Variants in DNALI1 observed in about 807,000 individuals in gnomAD.
DNALI1 encodes dynein axonemal light intermediate chain 1, also known as axonemal dynein light intermediate polypeptide 1.
DNALI1 carries 31 observed loss-of-function variants against 33.9 expected under a neutral mutation model. That is an observed-to-expected ratio of 0.91 (90% CI 0.69 to 1.23). The LOEUF (loss-of-function observed/expected upper bound fraction) is 1.23, where lower values mean the gene tolerates loss of function less well. Among genes scored for constraint, DNALI1 ranks in the 50% most tolerant of loss-of-function variants. The pLI is 0.00. For missense variants in DNALI1, 305 were observed against 323.8 expected, an observed-to-expected ratio of 0.94 and a Z score of 0.44; for synonymous variants, 117 against 129.2, an observed-to-expected ratio of 0.91 and a Z score of 0.64.
In DNALI1 at chr1:37,562,002, C is replaced by A. The variant is rs902789110; in HGVS notation, c.577-79C>A. On this transcript the variant is annotated intron_variant, in intron 4 of 5. Coordinates refer to ENST00000652629, the MANE Select transcript of DNALI1 (RefSeq NM_003462.5). The surrounding 1 kb of genome is among the most constrained non-coding windows in gnomAD (Gnocchi z 5.8). ...AGTATATACCCTGGCAATGTCATGT[C>A]CCATGTCCCTTCCACCCAGGCTCAC... 1 of 1,595,002 alleles carries A rather than the reference C, an allele frequency of 6.3e-7. No homozygotes were observed.
At chr1:37,563,042 A>G (rs1437208944) in intron 5 of DNALI1, among the ~76,000 whole-genome samples, 1 of 152,234 alleles carries the variant, frequency 6.6e-6, no homozygotes, top group Admixed American at 6.5e-5. Context: ...ATGTTTGCAG[A>G]AGTTTGAGCA....
At chr1:37,560,476 C>T (rs527554061) in intron 3 of DNALI1, 4 of 152,302 alleles carry the variant, frequency 2.6e-5, no homozygotes, top group African/African-American at 7.2e-5. Flanking sequence ...CCTGCACAGC[C>T]GTAGATCCCT....
chr1:37,557,195 A>G, intron 1 of DNALI1, 120 bp downstream of exon 1: 3 of 1,477,260 alleles, frequency 2.0e-6, no homozygotes, highest in Non-Finnish European at 2.8e-6. Flanking sequence ...GAGTAAAGGG[A>G]ATTGGGAAGT....
chr1:37,561,912 G>T lies in DNALI1; in HGVS notation c.577-169G>T. 1 of 1,351,908 alleles carries T rather than the reference G, an allele frequency of 7.4e-7. No individual in the cohort carries two copies. The highest frequency in any genetic ancestry group is 2.4e-5 in the East Asian group (1 of 41,204). 83.7% of individuals were successfully genotyped at this position (1,351,908 alleles called of 1,614,324 possible). A position where few individuals can be genotyped will look rare whatever the true frequency, so the allele number is the denominator to read the frequency against. ...GGTTGAGTATGATGGCCAGCCTGGT[G>T]GTCTTGGCAGAGTTGTTTCCGCTGT... On this transcript the variant is annotated intron_variant, in intron 4 of 5. Coordinates refer to ENST00000652629, the MANE Select transcript of DNALI1 (RefSeq NM_003462.5). The surrounding 1 kb of genome is among the most constrained non-coding windows in gnomAD (Gnocchi z 4.6).
In DNALI1 at chr1:37,559,553, C is replaced by A; in HGVS notation, c.397+57C>A. 1 of 1,490,824 alleles carries A rather than the reference C, an allele frequency of 6.7e-7. No homozygotes were observed. The allele number at this position is 1,490,824 out of a possible 1,614,324, so 92.3% of individuals were successfully genotyped here. On this transcript the variant is annotated intron_variant, in intron 3 of 5. Transcript: ENST00000652629. The surrounding 1 kb of genome is among the most constrained non-coding windows in gnomAD (Gnocchi z 5.3). ...ACACCCTACTGCTCCCTTCCCTTCA[C>A]CTTCAGCACAGATCCAAGCCTGAGC... is the stretch of plus-strand genomic sequence containing the variant.
Position 37,564,954 on chromosome 1 carries a change from T to C in DNALI1, c.742-72T>C, listed in dbSNP as rs960501142. ...CATGTGGATTCTTCTTCCCAGAGATTTGATCACCTCTCAGCTATTTGTATC... is the reference window on the plus strand; with the variant it reads ...CATGTGGATTCTTCTTCCCAGAGATCTGATCACCTCTCAGCTATTTGTATC... On this transcript the variant is annotated intron_variant, in intron 5 of 5. Coordinates refer to ENST00000652629, the MANE Select transcript of DNALI1 (RefSeq NM_003462.5). 2.0e-6 allele frequency: 3 copies of C among 1,504,062 alleles called. No individual in the cohort carries two copies. In the African/African-American group the frequency reaches 4.1e-5, roughly 21 times the overall value. 93.2% of individuals were successfully genotyped at this position (1,504,062 alleles called of 1,614,324 possible). A position where few individuals can be genotyped will look rare whatever the true frequency, so the allele number is the denominator to read the frequency against.
chr1:37,559,232 C>A lies in DNALI1; in HGVS notation c.228-95C>A. ...GGTTGGTGGCAAAGCTGCCCCTCAC[C>A]ACTACTCAGGCAGAGGGCTCAAAGG... On this transcript the variant is annotated intron_variant, in intron 2 of 5. Transcript: ENST00000652629. This position sits in a 1 kb window ranked among gnomAD's most constrained non-coding sequence, Gnocchi z 5.3. 2 of 1,351,476 alleles carry A rather than the reference C, an allele frequency of 1.5e-6. No individual in the cohort carries two copies. The highest frequency in any genetic ancestry group is 2.6e-5 in the East Asian group (1 of 38,192). The allele number at this position is 1,351,476 out of a possible 1,614,324, so 83.7% of individuals were successfully genotyped here.
At position 37,559,352 on chromosome 1, in the gene DNALI1, T is replaced by C; in HGVS notation, c.253T>C (p.Trp85Arg). 6.2e-7 allele frequency: 1 copy of C among 1,609,392 alleles called. No homozygotes were observed. Among genetic ancestry groups the C allele is most frequent in the South Asian group, 1.1e-5 (1 of 90,450 alleles). Residue 85 changes from tryptophan to arginine, a missense_variant, in exon 3 of 6, where the codon TGG becomes CGG. Transcript: ENST00000652629. This position sits in a 1 kb window ranked among gnomAD's most constrained non-coding sequence, Gnocchi z 5.3. ...PREWVEDTQL[W>R]IQQVSSTPST... is the part of the protein sequence containing the mutation. Reference sequence around the variant, plus strand: ...GGAGTGGGTGGAAGACACGCAGCTATGGATCCAGCAGGTGTCCAGCACCCC... The same window carrying C: ...GGAGTGGGTGGAAGACACGCAGCTACGGATCCAGCAGGTGTCCAGCACCCC...
chr1:37,565,441 A>C lies in DNALI1; in HGVS notation c.*380A>C. 5.4e-6 allele frequency: 1 copy of C among 184,530 alleles called. No homozygotes were observed. Among genetic ancestry groups the C allele is most frequent in the Non-Finnish European group, 1.1e-5 (1 of 89,336 alleles). 11.4% of individuals were successfully genotyped at this position (184,530 alleles called of 1,614,324 possible). On this transcript the variant is annotated 3_prime_UTR_variant, in exon 6 of 6. Coordinates refer to ENST00000652629, the MANE Select transcript of DNALI1 (RefSeq NM_003462.5). ...AAATGAATCTGCTTCTCTGCCCCTC[A>C]AACTTTTAGTTCACAATTCATCTTC...
chr1:37,561,614 G>C lies in DNALI1; in HGVS notation c.455G>C (p.Arg152Pro), dbSNP rs370651927. 6.2e-7 allele frequency: 1 copy of C among 1,613,678 alleles called. No individual in the cohort carries two copies. The highest frequency in any genetic ancestry group is 2.2e-5 in the East Asian group (1 of 44,890). Reference protein sequence around the residue: ...NCAERGLLLLRVRDEIRMTIA... With the variant: ...NCAERGLLLLPVRDEIRMTIA... ...GCGGAGAGGGGGCTGCTGCTGCTGCGAGTCCGGGACGAGATCCGCATGACC... is the reference window on the plus strand; with the variant it reads ...GCGGAGAGGGGGCTGCTGCTGCTGCCAGTCCGGGACGAGATCCGCATGACC... Residue 152 changes from arginine (R) to proline (P), a missense_variant, in exon 4 of 6, where the codon CGA (arginine) becomes CCA (proline). Arg to Pro is a moderately radical substitution (Grantham distance 103). Transcript: ENST00000652629. The surrounding 1 kb of genome is among the most constrained non-coding windows in gnomAD (Gnocchi z 4.6).
chr1:37,557,426 G>A (rs1643384300), intron 1 of DNALI1, among the ~76,000 whole-genome samples, 177 bp from the exon 2 acceptor site: 1 of 152,178 alleles, frequency 6.6e-6, no homozygotes, highest in African/African-American at 2.4e-5. Flanking sequence ...TTGAGTTGGG[G>A]CCAGACTTCA....
intron 1 of DNALI1, 47 bp downstream of exon 1, chr1:37,557,122 G>A: frequency 6.2e-7 from 1 of 1,613,206 alleles, no homozygotes; most frequent in Non-Finnish European, 8.5e-7. Flanking sequence ...AACTCCGATA[G>A]GGAAAGACAC....
At position 37,557,702 on chromosome 1, in the gene DNALI1, C is replaced by G; in HGVS notation, c.181C>G (p.Pro61Ala). Residue 61 changes from proline to alanine, a missense_variant, in exon 2 of 6, where the codon CCT (proline) becomes GCT (alanine). Transcript: ENST00000652629. ...CCCCTCAACTCCCTGTGTCCCAGAT[C>G]CTACAAAGCAGGCAGAAGAAATCTT... is the stretch of plus-strand genomic sequence containing the variant. The part of the protein sequence containing the change: ...KLPSTPCVPD[P>A]TKQAEEILNA... 1 of 1,613,978 alleles carries G rather than the reference C, an allele frequency of 6.2e-7. No individual in the cohort carries two copies. The highest frequency in any genetic ancestry group is 8.5e-7 in the Non-Finnish European group (1 of 1,179,960).
chr1:37,561,792 C>A lies in DNALI1; in HGVS notation c.576+57C>A, dbSNP rs1643443017. ...ATCTCTTCTGTAAACCTCAGGGCCACATGCTTATCATTCCAGCACTACATT... is the reference window on the plus strand; with the variant it reads ...ATCTCTTCTGTAAACCTCAGGGCCAAATGCTTATCATTCCAGCACTACATT... On this transcript the variant is annotated intron_variant, in intron 4 of 5. Coordinates refer to ENST00000652629, the MANE Select transcript of DNALI1 (RefSeq NM_003462.5). This position sits in a 1 kb window ranked among gnomAD's most constrained non-coding sequence, Gnocchi z 4.6. 2 of 1,565,850 alleles carry A rather than the reference C, an allele frequency of 1.3e-6. No individual in the cohort carries two copies. The highest frequency in any genetic ancestry group is 1.7e-6 in the Non-Finnish European group (2 of 1,150,266).
intron 1 of DNALI1, 108 bp downstream of exon 1, chr1:37,557,183 G>A (rs753774291): frequency 6.6e-7 from 1 of 1,516,814 alleles, no homozygotes; most frequent in Non-Finnish European, 8.9e-7. Flanking sequence ...TGCAGCGACT[G>A]GGAGTAAAGG....
At chr1:37,563,830 C>G (rs1338843426) in intron 5 of DNALI1, among the ~76,000 whole-genome samples, 5 of 152,182 alleles carry the variant, frequency 3.3e-5, no homozygotes, top group African/African-American at 1.2e-4. Context: ...AATAAAGCAG[C>G]TTTGCTGTCC....
chr1:37,559,518 T>G lies in DNALI1; in HGVS notation c.397+22T>G. On this transcript the variant is annotated intron_variant, in intron 3 of 5. Transcript: ENST00000652629. This position sits in a 1 kb window ranked among gnomAD's most constrained non-coding sequence, Gnocchi z 5.3. ...TTTGGTGAGTGAGCCAGGTGAGGGG[T>G]GGGCACTACACACCCTACTGCTCCC... The G allele has an allele frequency of 1.3e-6, 2 of 1,586,134 alleles. No homozygotes were observed. The highest frequency in any genetic ancestry group is 1.7e-6 in the Non-Finnish European group (2 of 1,164,926).
intron 2 of DNALI1, among the ~76,000 whole-genome samples, chr1:37,558,958 C>T (rs779108979): frequency 3.3e-5 from 5 of 152,214 alleles, no homozygotes; most frequent in Non-Finnish European, 4.4e-5. Flanking sequence ...GCACAAGGTT[C>T]ATGATGTCCT....
rs11586555 is a variant in DNALI1, at chr1:37,566,197, A to G, written c.*1136A>G. On this transcript the variant is annotated 3_prime_UTR_variant, in exon 6 of 6. Coordinates refer to ENST00000652629, the MANE Select transcript of DNALI1 (RefSeq NM_003462.5). The stretch of plus-strand genomic sequence containing the variant: ...TTTCCCCAGAAAAGCTGTGTTCCCT[A>G]TGCTGAACACACCATACACATTCTC... 7,747 of 152,358 alleles carry G rather than the reference A, an allele frequency of 0.051. 288 individuals are homozygous for G. The highest frequency in any genetic ancestry group is 0.077 in the Non-Finnish European group (5,237 of 68,092). 9.4% of individuals were successfully genotyped at this position (152,358 alleles called of 1,614,324 possible).
Sources: gnomAD v4.1 joint callset for allele counts (sites outside exome capture counted in the v4.1 genomes callset) on GRCh38, gnomAD v4.1.1 for gene constraint, Gnocchi (gnomAD v3.1) non-coding constraint, MANE v1.5 for transcripts, NCBI Gene and HGNC (gene_info 2026-07-23, HGNC 2026-07-21) for gene names.